The following GNAQ variants were observed in gnomAD, a reference collection of about 807,000 sequenced individuals.
The protein encoded by GNAQ is G protein subunit alpha q.
In GNAQ, 8 loss-of-function variants were observed where a neutral mutation model predicts 43.9. The observed-to-expected ratio is 0.18, with a 90% confidence interval of 0.11 to 0.33. The LOEUF is 0.33. Among genes scored for constraint, GNAQ ranks in the 10% least tolerant of loss-of-function variants. The pLI, the probability that GNAQ is intolerant of heterozygous loss-of-function variation, is 1.00. For missense variants in GNAQ, 158 were observed against 450.8 expected, an observed-to-expected ratio of 0.35 and a Z score of 5.88; for synonymous variants, 155 against 170.7, an observed-to-expected ratio of 0.91 and a Z score of 0.71.
intron 2 of GNAQ, among the ~76,000 whole-genome samples, chr9:77,868,720 G>T (rs886193009): frequency 6.6e-6 from 1 of 152,184 alleles, no homozygotes; most frequent in Non-Finnish European, 1.5e-5. Flanking sequence ...ACTTGAACCC[G>T]GGAGGCAGAG....
chr9:77,745,911 C>G (rs901074825), intron 5 of GNAQ, among the ~76,000 whole-genome samples: 14 of 151,892 alleles, frequency 9.2e-5, no homozygotes, highest in African/African-American at 3.4e-4. Context: ...CCCAGAAGGG[C>G]TGGGGGTGGA....
chr9:77,900,335 T>C (rs1057352112), intron 2 of GNAQ, among the ~76,000 whole-genome samples: 18 of 152,222 alleles, frequency 1.2e-4, no homozygotes, highest in African/African-American at 4.3e-4. Flanking sequence ...GATATTTTAC[T>C]GCAATAGAAG....
chr9:77,759,907 T>TTTC (rs1825964914), intron 5 of GNAQ, among the ~76,000 whole-genome samples: 1 of 150,576 alleles, frequency 6.6e-6, no homozygotes, highest in Non-Finnish European at 1.5e-5. Flanking sequence ...TCTTTCTTTC[T>TTTC]TTTTTTTCTT....
intron 1 of GNAQ, among the ~76,000 whole-genome samples, chr9:77,959,908 G>A (rs1042032553): frequency 6.6e-6 from 1 of 152,132 alleles, no homozygotes; most frequent in Non-Finnish European, 1.5e-5. Context: ...CCACCCATGC[G>A]TCAGCCCCTT....
chr9:77,807,089 A>T (rs1362089527), intron 3 of GNAQ, among the ~76,000 whole-genome samples: 1 of 152,194 alleles, frequency 6.6e-6, no homozygotes, highest in Non-Finnish European at 1.5e-5. Flanking sequence ...TGCTAACATG[A>T]GTTAACGTAA....
chr9:77,825,435 C>T (rs1453732749), intron 2 of GNAQ, among the ~76,000 whole-genome samples: 4 of 152,156 alleles, frequency 2.6e-5, no homozygotes, highest in Admixed American at 1.3e-4. Flanking sequence ...GCAGCCTACA[C>T]GCCAGACCAT....
chr9:77,728,456 G>C, intron 6 of GNAQ, 58 bp downstream of exon 6: 3 of 1,222,480 alleles, frequency 2.5e-6, no homozygotes. Flanking sequence ...TCCCACACTG[G>C]GGTTTGGAGA....
intron 1 of GNAQ, among the ~76,000 whole-genome samples, chr9:77,940,942 C>A (rs1183585546): frequency 1.3e-5 from 2 of 149,814 alleles, no homozygotes; most frequent in East Asian, 4.0e-4. Context: ...CCAGCCTGGG[C>A]GACAGAGCGA....
intron 3 of GNAQ, among the ~76,000 whole-genome samples, chr9:77,806,172 C>T (rs1826827542): frequency 6.6e-6 from 1 of 152,162 alleles, no homozygotes; most frequent in Non-Finnish European, 1.5e-5. Flanking sequence ...AGAAGGAAGT[C>T]TTTTTCAATT....
chr9:77,776,389 C>G (rs187189623), intron 5 of GNAQ, among the ~76,000 whole-genome samples: 1 of 152,132 alleles, frequency 6.6e-6, no homozygotes, highest in African/African-American at 2.4e-5. Context: ...CAGAAGATGA[C>G]GTACCATGCA....
chr9:77,821,754 T>TGC (rs1827119360), intron 2 of GNAQ, among the ~76,000 whole-genome samples: 1 of 151,878 alleles, frequency 6.6e-6, no homozygotes. Context: ...TGTGTGTGTG[T>TGC]GTGTATGTAT....
intron 1 of GNAQ, among the ~76,000 whole-genome samples, chr9:77,998,985 G>T (rs1243584945): frequency 5.3e-5 from 8 of 151,098 alleles, no homozygotes; most frequent in Admixed American, 5.3e-4. Context: ...CAGCTACTTC[G>T]GGGGGCTGAG....
intron 2 of GNAQ, among the ~76,000 whole-genome samples, chr9:77,849,628 C>T (rs1564129616): frequency 6.6e-6 from 1 of 152,184 alleles, no homozygotes; most frequent in South Asian, 2.1e-4. Context: ...CACCACAGTT[C>T]CACAAAGCAA....
At chr9:77,929,703 T>G (rs145771060) in intron 1 of GNAQ, among the ~76,000 whole-genome samples, 1 of 152,020 alleles carries the variant, frequency 6.6e-6, no homozygotes, top group Admixed American at 6.6e-5. Context: ...GGTGTGGTGA[T>G]GTGCGCCTGT....
At chr9:77,802,978 A>G (rs530419872) in intron 3 of GNAQ, among the ~76,000 whole-genome samples, 1 of 152,220 alleles carries the variant, frequency 6.6e-6, no homozygotes, top group African/African-American at 2.4e-5. Flanking sequence ...ATGTTTGCCC[A>G]GTTAGCTATG....
At chr9:77,820,877 T>TTAA (rs1331519227) in intron 2 of GNAQ, among the ~76,000 whole-genome samples, 1 of 152,232 alleles carries the variant, frequency 6.6e-6, no homozygotes, top group Non-Finnish European at 1.5e-5. Flanking sequence ...GTTGTAGGGC[T>TTAA]GTTAGGAAAA....
At chr9:77,883,080 G>T (rs1401365697) in intron 2 of GNAQ, among the ~76,000 whole-genome samples, 1 of 152,224 alleles carries the variant, frequency 6.6e-6, no homozygotes, top group Non-Finnish European at 1.5e-5. Flanking sequence ...GAGAACAGAT[G>T]TGATTAGTGA....
At chr9:77,994,749 A>G (rs1823547890) in intron 1 of GNAQ, among the ~76,000 whole-genome samples, 1 of 152,202 alleles carries the variant, frequency 6.6e-6, no homozygotes, top group Non-Finnish European at 1.5e-5. Flanking sequence ...CCCCGTTAAA[A>G]GTAATTAGTT....
chr9:77,894,834 T>C (rs1828473743), intron 2 of GNAQ, among the ~76,000 whole-genome samples: 1 of 152,038 alleles, frequency 6.6e-6, no homozygotes, highest in South Asian at 2.1e-4. Context: ...TATAATAAAC[T>C]TAAGAAGAAT....
Sources: allele counts gnomAD v4.1 joint callset (sites outside exome capture counted in the v4.1 genomes callset), GRCh38; gene constraint gnomAD v4.1.1; transcripts MANE v1.5; gene names NCBI Gene and HGNC (gene_info 2026-07-23, HGNC 2026-07-21).